MTUS1: variants seen among roughly 807,000 people sequenced by gnomAD.
The protein encoded by MTUS1 is microtubule associated scaffold protein 1.
Under a neutral mutation model 120.8 loss-of-function variants are expected in MTUS1, and 109 were observed. The observed-to-expected ratio is 0.90, with a 90% CI of 0.77 to 1.06. The LOEUF (loss-of-function observed/expected upper bound fraction) is 1.06, where lower values mean the gene tolerates loss of function less well. Among genes scored for constraint, MTUS1 ranks in the 50% least tolerant of loss-of-function variants. The pLI, the probability that MTUS1 is intolerant of heterozygous loss-of-function variation, is 0.00. For synonymous variants in MTUS1, 737 were observed against 550.5 expected (o/e 1.34, Z -4.74); for missense variants, 2,210 against 1,486.3 (o/e 1.49, Z -8.01).
intron 6 of MTUS1, among the ~76,000 whole-genome samples, chr8:17,707,000 G>T (rs1398535811): frequency 6.6e-6 from 1 of 152,230 alleles, no homozygotes; most frequent in East Asian, 1.9e-4. Flanking sequence ...TATGAAGTTG[G>T]TCAACTCAAC....
intron 2 of MTUS1, among the ~76,000 whole-genome samples, chr8:17,752,188 C>G (rs2048251124): frequency 6.8e-6 from 1 of 146,140 alleles, no homozygotes; most frequent in Non-Finnish European, 1.5e-5. Flanking sequence ...AATTACACAA[C>G]CAATTTAAAT....
intron 5 of MTUS1, among the ~76,000 whole-genome samples, chr8:17,714,892 TGC>T (rs1276573183): frequency 1.4e-5 from 2 of 140,078 alleles, no homozygotes; most frequent in Admixed American, 7.3e-5. Context: ...GCACAAATAA[TGC>T]TTTTTTTTTT....
At chr8:17,789,729 G>A (rs1005013769) in intron 1 of MTUS1, among the ~76,000 whole-genome samples, 3 of 152,166 alleles carry the variant, frequency 2.0e-5, no homozygotes, top group Non-Finnish European at 2.9e-5. Context: ...TTCTTTAACA[G>A]AAGGTGACTG....
In MTUS1 at chr8:17,653,243, T is replaced by G. The variant is rs200263401; in HGVS notation, c.3327A>C (p.Leu1109Phe). The change falls in exon 12 of 15, where the codon TTA becomes TTC. Residue 1109 changes from leucine (L) to phenylalanine (F), a missense_variant. Coordinates refer to ENST00000693296, the MANE Select transcript of MTUS1 (RefSeq NM_001363059.2). ...INDLKSENDA[L>F]NEKLKSEEQK... ...GTTCTTCTGATTTCAATTTTTCATT[T>G]AAAGCATCATTTTCACTCTTCAGAT... 2.6e-4 allele frequency: 411 copies of G among 1,559,628 alleles called. 1 individual carries two copies. The highest frequency in any genetic ancestry group is 2.1e-5 in the Non-Finnish European group (24 of 1,157,644).
In MTUS1 at chr8:17,755,360, C is replaced by G; in HGVS notation, c.448G>C (p.Gly150Arg). Residue 150 changes from glycine (G) to arginine (R), a missense_variant, in exon 2 of 15, where the codon GGC (glycine) becomes CGC (arginine). Physicochemically the swap from Gly to Arg is moderately radical, Grantham distance 125. Transcript: ENST00000693296. ...WKPNDNLNCA[G>R]YCDALELNQT... is the part of the protein sequence containing the mutation. ...TTTAGCTCCAAGGCATCACAGTAGC[C>G]TGCACAGTTCAAATTGTCATTAGGC... is the stretch of plus-strand genomic sequence containing the variant. 6.2e-7 allele frequency: 1 copy of G among 1,614,152 alleles called. No homozygotes were observed. The highest frequency in any genetic ancestry group is 8.5e-7 in the Non-Finnish European group (1 of 1,180,014).
chr8:17,684,295 T>G (rs1489165890), intron 7 of MTUS1, 33 bp downstream of exon 7: 5 of 1,569,460 alleles, frequency 3.2e-6, no homozygotes, highest in South Asian at 1.1e-5. Flanking sequence ...CGACCTCAAG[T>G]AGAAAGGCTC....
intron 4 of MTUS1, chr8:17,723,411 C>T (rs1296767291): frequency 2.0e-6 from 1 of 508,690 alleles, no homozygotes; most frequent in East Asian, 3.5e-5. Flanking sequence ...GGTTGCTACT[C>T]TTAAACCTCC....
chr8:17,792,506 C>G (rs2051877892), intron 1 of MTUS1, among the ~76,000 whole-genome samples: 1 of 152,204 alleles, frequency 6.6e-6, no homozygotes, highest in Non-Finnish European at 1.5e-5. Flanking sequence ...TGACCCTACT[C>G]TTTTAAATTC....
At chr8:17,781,797 G>C (rs1485618580) in intron 1 of MTUS1, among the ~76,000 whole-genome samples, 1 of 152,154 alleles carries the variant, frequency 6.6e-6, no homozygotes, top group African/African-American at 2.4e-5. Flanking sequence ...TGTGCCATGA[G>C]GTCCCTCTTT....
chr8:17,709,403 G>C (rs1820820012), intron 6 of MTUS1, among the ~76,000 whole-genome samples: 4 of 152,150 alleles, frequency 2.6e-5, no homozygotes, highest in South Asian at 4.2e-4. Context: ...CAGTGCATTT[G>C]TGATTCATGT....
At chr8:17,757,614 C>A (rs914625811) in intron 1 of MTUS1, among the ~76,000 whole-genome samples, 1 of 152,174 alleles carries the variant, frequency 6.6e-6, no homozygotes, top group African/African-American at 2.4e-5. Flanking sequence ...GCAACCTCCA[C>A]CTCCCGGTTT....
chr8:17,706,304 G>C (rs891120396), intron 6 of MTUS1: 6 of 152,064 alleles, frequency 3.9e-5, no homozygotes, highest in African/African-American at 1.4e-4. Context: ...CTCCAAACGA[G>C]AAATTTGAGA....
In MTUS1 at chr8:17,742,868, T is replaced by C. The variant is rs569304034; in HGVS notation, c.2287+736A>G. On this transcript the variant is annotated intron_variant, in intron 3 of 14. Transcript: ENST00000693296. ...TTGTATAAGGGAACTTACTACTAAATTGATTTGACATGACTTTAATTTGCC... is the reference window on the plus strand; with the variant it reads ...TTGTATAAGGGAACTTACTACTAAACTGATTTGACATGACTTTAATTTGCC... 6.6e-5 allele frequency among the ~76,000 whole-genome samples: 10 copies of C among 152,330 alleles called. 1 individual carries two copies. In the South Asian group the frequency reaches 1.9e-3, roughly 28 times the overall value.
chr8:17,742,745 C>A (rs1327125406), intron 3 of MTUS1, among the ~76,000 whole-genome samples: 2 of 152,194 alleles, frequency 1.3e-5, no homozygotes, highest in Admixed American at 6.5e-5. Flanking sequence ...ATGAAACCTA[C>A]AAATACTAAA....
intron 3 of MTUS1, among the ~76,000 whole-genome samples, chr8:17,741,271 C>T (rs1045688932): frequency 5.3e-5 from 8 of 152,220 alleles, no homozygotes; most frequent in Non-Finnish European, 5.9e-5. Flanking sequence ...CCTCACCAGC[C>T]CTGTCTCCAA....
chr8:17,777,780 G>C (rs558826572), intron 1 of MTUS1, among the ~76,000 whole-genome samples: 2 of 152,224 alleles, frequency 1.3e-5, no homozygotes, highest in African/African-American at 4.8e-5. Flanking sequence ...ACTATCGTCA[G>C]AAATTTATTA....
intron 1 of MTUS1, among the ~76,000 whole-genome samples, chr8:17,797,947 A>G (rs77687314): frequency 0.039 from 5,996 of 152,056 alleles, 400 homozygotes; most frequent in African/African-American, 0.14. Flanking sequence ...CCAAATAAAT[A>G]CTTTGCTGAG....
intron 3 of MTUS1, chr8:17,724,211 TA>T (rs761198653): frequency 0.021 from 7,243 of 343,880 alleles, no homozygotes; most frequent in South Asian, 0.032. Context: ...TACTGGTGAC[TA>T]AAAAAAAAAT....
chr8:17,712,181 C>A (rs1821435462), intron 6 of MTUS1, among the ~76,000 whole-genome samples: 1 of 152,180 alleles, frequency 6.6e-6, no homozygotes, highest in Non-Finnish European at 1.5e-5. Context: ...TTGCAAGGCT[C>A]CAGAAAATGA....
Sources: gnomAD v4.1 joint callset for allele counts (sites outside exome capture counted in the v4.1 genomes callset) on GRCh38, gnomAD v4.1.1 for gene constraint, MANE v1.5 for transcripts, NCBI Gene and HGNC (gene_info 2026-07-23, HGNC 2026-07-21) for gene names.